PLEKHG4B: variants seen among roughly 807,000 people sequenced by gnomAD.
PLEKHG4B encodes the protein pleckstrin homology domain-containing family G member 4B.
A neutral mutation model predicts 121.3 loss-of-function variants in PLEKHG4B; 111 were observed. That is an observed-to-expected ratio of 0.92 (90% CI 0.78 to 1.07). The LOEUF is 1.07. Among genes scored for constraint, PLEKHG4B ranks in the 50% least tolerant of loss-of-function variants. The pLI, the probability that PLEKHG4B is intolerant of heterozygous loss-of-function variation, is 0.00. For missense variants in PLEKHG4B, 1,831 were observed against 1,757.8 expected (o/e 1.04, Z -0.74); for synonymous variants, 738 against 725.0 (o/e 1.02, Z -0.29).
chr5:149,060 A>G (rs1295614455), intron 6 of PLEKHG4B, among the ~76,000 whole-genome samples: 1 of 152,232 alleles, frequency 6.6e-6, no homozygotes. Context: ...CACCATATAA[A>G]AAATTAACTC....
In PLEKHG4B at chr5:145,261, C is replaced by G. The variant is rs116432769; in HGVS notation, c.1905+341C>G. Among the ~76,000 whole-genome samples, 1,263 of 152,324 alleles carry G rather than the reference C, an allele frequency of 8.3e-3. 23 individuals are homozygous for G. Among genetic ancestry groups the G allele is most frequent in the African/African-American group, 0.029 (1,202 of 41,556 alleles). The stretch of plus-strand genomic sequence containing the variant: ...CCCAGGAGGGCAGCGCAGCCCCATC[C>G]CTGCCCAGTGCAGCTGCCCCCGCTA... On this transcript the variant is annotated intron_variant, in intron 6 of 19. Transcript: ENST00000637938.
rs990418693 is a variant in PLEKHG4B, at chr5:113,297, T to C, written c.92T>C (p.Leu31Ser). ...DACIQRTLSALYPPFEATAAT... is the reference protein window; with the variant it reads ...DACIQRTLSASYPPFEATAAT... ...TGTATCCAGAGGACGCTCTCTGCCT[T>C]GTACCCACCGTTTGAAGCCACGGCA... Residue 31 changes from leucine (L) to serine (S), a missense_variant, in exon 2 of 20, where the codon TTG becomes TCG. Physicochemically the swap from Leu to Ser is moderately radical, Grantham distance 145 (BLOSUM62 -2). Coordinates refer to ENST00000637938, the MANE Select transcript of PLEKHG4B (RefSeq NM_052909.5). This position sits in a 1 kb window ranked among gnomAD's most constrained non-coding sequence, Gnocchi z 5.2. The C allele has an allele frequency of 5.0e-6, 2 of 398,988 alleles. No homozygotes were observed. Among genetic ancestry groups the C allele is most frequent in the African/African-American group, 4.1e-5 (2 of 48,630 alleles). The allele number at this position is 398,988 out of a possible 1,614,324, so 24.7% of individuals were successfully genotyped here.
Position 156,160 on chromosome 5 carries a change from C to T in PLEKHG4B, c.2298C>T (p.Gly766=). Reference sequence around the variant, plus strand: ...TTGTGTCTCTCAGGCTGGAGGGGGGCACCGTCCTGGCGCGGCTGAGGAGAG... The same window carrying T: ...TTGTGTCTCTCAGGCTGGAGGGGGGTACCGTCCTGGCGCGGCTGAGGAGAG... ...PLLVSLRLEG[G]TVLARLRREE... is the part of the protein sequence containing the mutation. The change falls in exon 10 of 20, where the codon GGC becomes GGT. Residue 766 remains glycine, a synonymous_variant. Coordinates refer to ENST00000637938, the MANE Select transcript of PLEKHG4B (RefSeq NM_052909.5). The surrounding 1 kb of genome is among the most constrained non-coding windows in gnomAD (Gnocchi z 4.4). The T allele has an allele frequency of 6.3e-7, 1 of 1,590,770 alleles. No individual in the cohort carries two copies. The highest frequency in any genetic ancestry group is 8.6e-7 in the Non-Finnish European group (1 of 1,169,002).
In PLEKHG4B at chr5:169,593, G is replaced by C. The variant is rs201003692; in HGVS notation, c.3729+1G>C. ...CGTGGGCCGCAGTTTCCTGAGACAC[G>C]TAAGTGCAGGCCATGGCGTGGGTGC... On this transcript the variant is annotated splice_donor_variant, in intron 14 of 19. Transcript: ENST00000637938. LOFTEE classifies it high-confidence loss of function. 1.2e-6 allele frequency: 2 copies of C among 1,612,648 alleles called. No individual in the cohort carries two copies. The highest frequency in any genetic ancestry group is 1.7e-6 in the Non-Finnish European group (2 of 1,180,004).
At chr5:172,875 C>A (rs1041242146) in intron 16 of PLEKHG4B, 22 bp from the exon 17 acceptor site, 2 of 1,613,448 alleles carry the variant, frequency 1.2e-6, no homozygotes, top group African/African-American at 2.7e-5. Flanking sequence ...TGGATGAAAT[C>A]CACCTGTGTG....
chr5:140,651 G>A lies in PLEKHG4B; in HGVS notation c.1412G>A (p.Gly471Glu). ...GGCTCCAGGCCTGGGGGCCACCTAG[G>A]AGGACAAGCTGTGGGGACCCCAAAC... is the stretch of plus-strand genomic sequence containing the variant. ...SAGSRPGGHL[G>E]GQAVGTPNCV... The change falls in exon 3 of 20, where the codon GGA (glycine) becomes GAA (glutamate). Residue 471 changes from glycine (G) to glutamate (E), a missense_variant. Physicochemically the swap from Gly to Glu is moderately conservative, Grantham distance 98 (BLOSUM62 -2). Coordinates refer to ENST00000637938, the MANE Select transcript of PLEKHG4B (RefSeq NM_052909.5). The A allele has an allele frequency of 1.2e-6, 2 of 1,608,290 alleles. No homozygotes were observed. The highest frequency in any genetic ancestry group is 1.7e-6 in the Non-Finnish European group (2 of 1,177,418).
Position 92,187 on chromosome 5 carries a change from C to A in PLEKHG4B, c.-45C>A. On this transcript the variant is annotated 5_prime_UTR_variant, in exon 1 of 20. Transcript: ENST00000637938. ...CGGCCCAGTGCACAGCGGGACCAGG[C>A]AGAGTTCGGGGAAAGCGTCGGAGTT... The A allele has an allele frequency of 2.7e-6, 1 of 374,320 alleles. No homozygotes were observed. Among genetic ancestry groups the A allele is most frequent in the East Asian group, 3.8e-5 (1 of 26,162 alleles). 23.2% of individuals were successfully genotyped at this position (374,320 alleles called of 1,614,324 possible).
chr5:93,786 G>A (rs1351362573), intron 1 of PLEKHG4B, among the ~76,000 whole-genome samples: 1 of 152,090 alleles, frequency 6.6e-6, no homozygotes, highest in Non-Finnish European at 1.5e-5. Flanking sequence ...GGAATTCTTC[G>A]TTACTTGTAA....
At chr5:122,742 A>G (rs1199261621) in intron 2 of PLEKHG4B, among the ~76,000 whole-genome samples, 1 of 152,106 alleles carries the variant, frequency 6.6e-6, no homozygotes, top group Non-Finnish European at 1.5e-5. Flanking sequence ...AAATATAAAG[A>G]CACACAAAAA....
chr5:101,662 A>G (rs564888704), intron 1 of PLEKHG4B, among the ~76,000 whole-genome samples: 34 of 130,834 alleles, frequency 2.6e-4, no homozygotes, highest in African/African-American at 7.8e-4. Context: ...AAAGCTCTGG[A>G]AAAAGCCTGT....
intron 2 of PLEKHG4B, among the ~76,000 whole-genome samples, chr5:117,460 A>G (rs945800194): frequency 6.6e-6 from 1 of 152,202 alleles, no homozygotes; most frequent in Admixed American, 6.5e-5. Context: ...CCAATAAATG[A>G]CATGCTTAAT....
chr5:162,876 A>G lies in PLEKHG4B; in HGVS notation c.2804A>G (p.Lys935Arg). 6.6e-7 allele frequency: 1 copy of G among 1,518,950 alleles called. No individual in the cohort carries two copies. The highest frequency in any genetic ancestry group is 8.8e-7 in the Non-Finnish European group (1 of 1,131,920). The allele number at this position is 1,518,950 out of a possible 1,614,324, so 94.1% of individuals were successfully genotyped here. The change falls in exon 13 of 20, where the codon AAA (lysine) becomes AGA (arginine). Residue 935 changes from lysine to arginine, a missense_variant. Transcript: ENST00000637938. ...GTGCTGAAGCCTCATGCCCTGGGGAAACCGTGGGCATCACAGCAAGACCTG... is the reference window on the plus strand; with the variant it reads ...GTGCTGAAGCCTCATGCCCTGGGGAGACCGTGGGCATCACAGCAAGACCTG... Reference protein sequence around the residue: ...VAVLKPHALGKPWASQQDLWL... With the variant: ...VAVLKPHALGRPWASQQDLWL...
chr5:142,563 G>T (rs1016154063), intron 3 of PLEKHG4B, among the ~76,000 whole-genome samples: 8 of 140,610 alleles, frequency 5.7e-5, no homozygotes, highest in East Asian at 2.0e-4. Flanking sequence ...CACACACACA[G>T]TCACACACCA....
intron 1 of PLEKHG4B, among the ~76,000 whole-genome samples, chr5:97,711 T>C (rs1733671457): frequency 6.6e-6 from 1 of 152,182 alleles, no homozygotes; most frequent in Non-Finnish European, 1.5e-5. Flanking sequence ...ATTTGGACTT[T>C]TTCTTTTGGC....
At chr5:162,018 C>T (rs1736024846) in intron 12 of PLEKHG4B, 74 bp downstream of exon 12, 1 of 1,489,960 alleles carries the variant, frequency 6.7e-7, no homozygotes, top group South Asian at 1.3e-5. Context: ...AGTGCCTCCC[C>T]TCACAAGCTG....
At chr5:171,865 C>T (rs771546300) in intron 16 of PLEKHG4B, among the ~76,000 whole-genome samples, 1 of 152,204 alleles carries the variant, frequency 6.6e-6, no homozygotes, top group African/African-American at 2.4e-5. Flanking sequence ...CTCGTTCATA[C>T]GGGCCCGCGG....
At chr5:181,382 T>C in intron 18 of PLEKHG4B, 132 bp from the exon 19 acceptor site, 1 of 917,948 alleles carries the variant, frequency 1.1e-6, no homozygotes, top group Non-Finnish European at 1.6e-6. Flanking sequence ...CCCATGCCCC[T>C]CGTGGGGCAG....
In PLEKHG4B at chr5:163,068, G is replaced by C. The variant is rs752425552; in HGVS notation, c.2996G>C (p.Gly999Ala). 2.6e-6 allele frequency: 4 copies of C among 1,561,600 alleles called. No individual in the cohort carries two copies. The South Asian group carries it at 3.5e-5, about 14-fold the overall frequency. ...KPPSFPSTDSGGGAWEPAQPL... is the reference protein window; with the variant it reads ...KPPSFPSTDSAGGAWEPAQPL... Reference sequence around the variant, plus strand: ...CCCTCATTCCCCAGCACGGACAGTGGGGGTGGTGCCTGGGAACCTGCGCAA... The same window carrying C: ...CCCTCATTCCCCAGCACGGACAGTGCGGGTGGTGCCTGGGAACCTGCGCAA... Residue 999 changes from glycine to alanine, a missense_variant, in exon 13 of 20, where the codon GGG becomes GCG. Physicochemically the swap from Gly to Ala is moderately conservative, Grantham distance 60. Transcript: ENST00000637938.
chr5:119,144 G>A lies in PLEKHG4B; in HGVS notation c.243+5696G>A, dbSNP rs1003332136. On this transcript the variant is annotated intron_variant, in intron 2 of 19. Coordinates refer to ENST00000637938, the MANE Select transcript of PLEKHG4B (RefSeq NM_052909.5). ...CAAACCACTGGGATTACAGGTGTGCGCCACCATGCCCAGCCTTCTTAAGTG... is the reference window on the plus strand; with the variant it reads ...CAAACCACTGGGATTACAGGTGTGCACCACCATGCCCAGCCTTCTTAAGTG... Among the ~76,000 whole-genome samples the A allele has an allele frequency of 1.8e-4, 28 of 152,108 alleles. 1 individual carries two copies. The highest frequency in any genetic ancestry group is 1.7e-3 in the South Asian group (8 of 4,814).
Sources: allele counts gnomAD v4.1 joint callset (sites outside exome capture counted in the v4.1 genomes callset), GRCh38; gene constraint gnomAD v4.1.1; non-coding constraint Gnocchi (gnomAD v3.1); transcripts MANE v1.5; gene names NCBI Gene and HGNC (gene_info 2026-07-23, HGNC 2026-07-21).